The following CCDC178 variants were observed in gnomAD, a reference collection of about 807,000 sequenced individuals.
CCDC178 encodes the protein coiled-coil domain containing 178.
In CCDC178, 126 loss-of-function variants were observed where a neutral mutation model predicts 117.4. The ratio of observed to expected loss-of-function variants is 1.07; its 90% confidence interval spans 0.93 to 1.24. The LOEUF (loss-of-function observed/expected upper bound fraction) is 1.24, where lower values mean the gene tolerates loss of function less well. CCDC178 is among the 50% of genes most tolerant of loss of function. The probability of loss-of-function intolerance (pLI) is 0.00; values close to 1 mark genes in which losing one functional copy is unlikely to be tolerated. For missense variants in CCDC178, 1,030 were observed against 986.9 expected, an observed-to-expected ratio of 1.04 and a Z score of -0.59; for synonymous variants, 283 against 313.4, an observed-to-expected ratio of 0.90 and a Z score of 1.02.
At chr18:33,112,414 C>T (rs952270207) in intron 20 of CCDC178, among the ~76,000 whole-genome samples, 5 of 151,680 alleles carry the variant, frequency 3.3e-5, no homozygotes, top group Admixed American at 6.6e-5. Context: ...AAAGTAGAAG[C>T]GACATGATCA....
At chr18:33,192,986 G>A (rs1159116562) in intron 20 of CCDC178, among the ~76,000 whole-genome samples, 3 of 151,238 alleles carry the variant, frequency 2.0e-5, no homozygotes, top group Admixed American at 6.6e-5. Flanking sequence ...TAGGCTGGGC[G>A]CGGTGGCTCA....
chr18:32,991,476 G>A lies in CCDC178; in HGVS notation c.2389-16795C>T, dbSNP rs1033297586. On this transcript the variant is annotated intron_variant, in intron 21 of 22. Coordinates refer to ENST00000383096, the MANE Select transcript of CCDC178 (RefSeq NM_001105528.4). ...GAAAGATAAAAAAGTCTGTGGAGGCGCAGACTTAACAAGAGAAAATGGTGG... is the reference window on the plus strand; with the variant it reads ...GAAAGATAAAAAAGTCTGTGGAGGCACAGACTTAACAAGAGAAAATGGTGG... Among the ~76,000 whole-genome samples, 16 of 152,274 alleles carry A rather than the reference G, an allele frequency of 1.1e-4. No individual in the cohort carries two copies. In the South Asian group the frequency reaches 1.2e-3, roughly 12 times the overall value.
intron 22 of CCDC178, among the ~76,000 whole-genome samples, chr18:32,967,241 T>C (rs894253596): frequency 2.0e-5 from 3 of 151,548 alleles, no homozygotes; most frequent in Non-Finnish European, 4.4e-5. Context: ...TATGTGATGC[T>C]CTTTTTTTTT....
At chr18:32,996,164 C>A (rs924126668) in intron 21 of CCDC178, among the ~76,000 whole-genome samples, 33 of 151,764 alleles carry the variant, frequency 2.2e-4, no homozygotes, top group African/African-American at 7.7e-4. Context: ...ATGACAACCA[C>A]ACAATATTAG....
At chr18:33,160,661 A>C (rs2058451633) in intron 20 of CCDC178, among the ~76,000 whole-genome samples, 1 of 152,134 alleles carries the variant, frequency 6.6e-6, no homozygotes. Context: ...AAAGGTCAAC[A>C]TCATTGCTCA....
chr18:32,963,732 C>A (rs554350738), intron 22 of CCDC178, among the ~76,000 whole-genome samples: 1 of 152,134 alleles, frequency 6.6e-6, no homozygotes, highest in South Asian at 2.1e-4. Context: ...GCTCTTCTTA[C>A]TGCCCTCATT....
chr18:33,119,950 C>T (rs956709992), intron 20 of CCDC178, among the ~76,000 whole-genome samples: 2 of 152,060 alleles, frequency 1.3e-5, no homozygotes, highest in Non-Finnish European at 2.9e-5. Flanking sequence ...AAATCAAACA[C>T]CGCTTGTTCT....
At chr18:33,269,289 T>TA (rs1394916194) in intron 12 of CCDC178, among the ~76,000 whole-genome samples, 1 of 151,642 alleles carries the variant, frequency 6.6e-6, no homozygotes. Flanking sequence ...ACTAACAAAC[T>TA]AAAAAGGGAA....
At chr18:33,030,539 A>AGATG (rs1374118316) in intron 21 of CCDC178, among the ~76,000 whole-genome samples, 4 of 151,592 alleles carry the variant, frequency 2.6e-5, no homozygotes, top group Non-Finnish European at 2.9e-5. Context: ...ATAGATAGAT[A>AGATG]GATAGATAGA....
chr18:33,129,993 A>G (rs1400965112), intron 20 of CCDC178, among the ~76,000 whole-genome samples: 2 of 151,980 alleles, frequency 1.3e-5, no homozygotes, highest in Non-Finnish European at 2.9e-5. Context: ...CAAGAATTTT[A>G]ATTCTGGATT....
intron 20 of CCDC178, among the ~76,000 whole-genome samples, chr18:33,109,519 AC>A (rs1363516561): frequency 6.6e-6 from 1 of 151,652 alleles, no homozygotes; most frequent in Non-Finnish European, 1.5e-5. Flanking sequence ...TTCTTAAGAT[AC>A]AGCATATGTC....
rs145864762 is a variant in CCDC178 at position 33,367,184 on chromosome 18, G to T, written c.348+2866C>A. On this transcript the variant is annotated intron_variant, in intron 6 of 22. Transcript: ENST00000383096. Reference sequence around the variant, plus strand: ...TGATGTTTTGATCCAGGCATGCAATGTGAAACAAGCAGGCACAGAAAGACA... The same window carrying T: ...TGATGTTTTGATCCAGGCATGCAATTTGAAACAAGCAGGCACAGAAAGACA... Among the ~76,000 whole-genome samples the T allele has an allele frequency of 2.6e-3, 391 of 152,158 alleles. 1 individual carries two copies. The highest frequency in any genetic ancestry group is 8.8e-3 in the African/African-American group (367 of 41,540).
chr18:33,135,090 C>T (rs770668336), intron 20 of CCDC178, among the ~76,000 whole-genome samples: 1 of 151,714 alleles, frequency 6.6e-6, no homozygotes, highest in Non-Finnish European at 1.5e-5. Flanking sequence ...GCCCTAAATG[C>T]TGAATTGAAG....
intron 22 of CCDC178, among the ~76,000 whole-genome samples, chr18:32,939,145 A>C (rs987851741): frequency 3.3e-5 from 5 of 152,158 alleles, no homozygotes; most frequent in African/African-American, 1.2e-4. Flanking sequence ...TTTTGTAGAG[A>C]TATAAGGCTA....
intron 20 of CCDC178, among the ~76,000 whole-genome samples, chr18:33,159,215 G>T (rs2058436007): frequency 6.6e-6 from 1 of 152,056 alleles, no homozygotes; most frequent in Non-Finnish European, 1.5e-5. Flanking sequence ...TAATTTCCCA[G>T]ATGTTTGCAT....
chr18:33,144,188 T>C (rs1427906775), intron 20 of CCDC178, among the ~76,000 whole-genome samples: 3 of 152,264 alleles, frequency 2.0e-5, no homozygotes, highest in East Asian at 1.9e-4. Context: ...AATAGCTTGT[T>C]TCTCCTCAAA....
chr18:33,015,422 G>A (rs187785566), intron 21 of CCDC178, among the ~76,000 whole-genome samples: 2 of 151,918 alleles, frequency 1.3e-5, no homozygotes, highest in Non-Finnish European at 1.5e-5. Context: ...ACACTTAGCC[G>A]GGCGTGGTGG....
chr18:33,387,149 A>G (rs983283022), intron 5 of CCDC178, among the ~76,000 whole-genome samples: 1 of 152,108 alleles, frequency 6.6e-6, no homozygotes, highest in Non-Finnish European at 1.5e-5. Context: ...ACAACTAACA[A>G]GGGAAGTGAA....
intron 20 of CCDC178, among the ~76,000 whole-genome samples, chr18:33,153,135 A>T (rs2058358372): frequency 1.4e-5 from 2 of 143,788 alleles, no homozygotes; most frequent in Admixed American, 6.9e-5. Context: ...GTGAGTGACA[A>T]TTATATATAT....
Sources: gnomAD v4.1 joint callset for allele counts (sites outside exome capture counted in the v4.1 genomes callset) on GRCh38, gnomAD v4.1.1 for gene constraint, MANE v1.5 for transcripts, NCBI Gene and HGNC (gene_info 2026-07-23, HGNC 2026-07-21) for gene names.